The following RUFY3 variants were observed in gnomAD, a reference collection of about 807,000 sequenced individuals.
RUFY3 encodes RUN and FYVE domain containing 3, also known as protein RUFY3.
In RUFY3, 34 loss-of-function variants were observed where a neutral mutation model predicts 84.0. The ratio of observed to expected loss-of-function variants is 0.40; its 90% CI spans 0.31 to 0.54. The LOEUF is 0.54. RUFY3 is among the 20% of genes least tolerant of loss of function. The pLI is 0.39. For missense variants in RUFY3, 507 were observed against 736.8 expected (o/e 0.69, Z 3.61); for synonymous variants, 242 against 252.9 (o/e 0.96, Z 0.41).
At chr4:70,757,167 C>T (rs945970353) in intron 1 of RUFY3, among the ~76,000 whole-genome samples, 47 of 151,886 alleles carry the variant, frequency 3.1e-4, no homozygotes, top group African/African-American at 1.1e-3. Context: ...ATCCCAGGTA[C>T]TCAGGAGGCT....
At chr4:70,778,208 C>A (rs1197788668) in intron 7 of RUFY3, among the ~76,000 whole-genome samples, 161 bp from the exon 8 acceptor site, 2 of 151,962 alleles carry the variant, frequency 1.3e-5, no homozygotes, top group Admixed American at 1.3e-4. Context: ...GCACTCCAGT[C>A]TCAGCGACAC....
At chr4:70,790,351 A>G (rs1471156433) in intron 12 of RUFY3, among the ~76,000 whole-genome samples, 2 of 152,198 alleles carry the variant, frequency 1.3e-5, no homozygotes, top group Non-Finnish European at 2.9e-5. Flanking sequence ...AGGTCATTTG[A>G]TGTTTCTACC....
chr4:70,728,066 C>T (rs1224692929), intron 1 of RUFY3, among the ~76,000 whole-genome samples: 1 of 152,068 alleles, frequency 6.6e-6, no homozygotes, highest in African/African-American at 2.4e-5. Context: ...TACAGATACC[C>T]CTTGAATTAA....
At chr4:70,761,612 C>T (rs1367027480) in intron 1 of RUFY3, among the ~76,000 whole-genome samples, 1 of 152,024 alleles carries the variant, frequency 6.6e-6, no homozygotes, top group African/African-American at 2.4e-5. Flanking sequence ...AAGAGGTAGC[C>T]CACAGTGCTG....
Position 70,722,086 on chromosome 4 carries a change from T to G in RUFY3, c.-488T>G, listed in dbSNP as rs1742368044. 8.1e-7 allele frequency: 1 copy of G among 1,232,142 alleles called. No homozygotes were observed. Among genetic ancestry groups the G allele is most frequent in the Non-Finnish European group, 1.0e-6 (1 of 987,922 alleles). 76.3% of individuals were successfully genotyped at this position (1,232,142 alleles called of 1,614,324 possible). A position where few individuals can be genotyped will look rare whatever the true frequency, so the allele number is the denominator to read the frequency against. On this transcript the variant is annotated 5_prime_UTR_variant, in exon 1 of 18. Coordinates refer to ENST00000381006, the MANE Select transcript of RUFY3 (RefSeq NM_001037442.4). ...AGTGATTTCTGCAGCTCAGGATTTT[T>G]TTTTTAAGCTACATTGAAAATATAG... is the stretch of plus-strand genomic sequence containing the variant.
intron 15 of RUFY3, among the ~76,000 whole-genome samples, 158 bp downstream of exon 15, chr4:70,800,363 G>A (rs554669928): frequency 5.9e-5 from 9 of 152,170 alleles, no homozygotes; most frequent in Admixed American, 2.6e-4. Flanking sequence ...ATAATAAAAC[G>A]TATAACATGT....
At chr4:70,770,639 C>T (rs1413394840) in intron 5 of RUFY3, among the ~76,000 whole-genome samples, 1 of 152,154 alleles carries the variant, frequency 6.6e-6, no homozygotes, top group African/African-American at 2.4e-5. Context: ...GTTTGATCTT[C>T]TATACAGACC....
In RUFY3 at chr4:70,767,356, C is replaced by T. The variant is rs190487942; in HGVS notation, c.573-1182C>T. On this transcript the variant is annotated intron_variant, in intron 4 of 17. Transcript: ENST00000381006. ...AACTTCCGACCTCAGGTGATCCACC[C>T]GCCTTGACCTCCCAAAGTGCTGGGA... 7.6e-3 allele frequency among the ~76,000 whole-genome samples: 1,131 copies of T among 149,560 alleles called. 15 individuals are homozygous for T. Among genetic ancestry groups the T allele is most frequent in the African/African-American group, 0.027 (1,073 of 40,448 alleles).
At chr4:70,763,956 A>G (rs1262693984) in intron 3 of RUFY3, among the ~76,000 whole-genome samples, 4 of 152,220 alleles carry the variant, frequency 2.6e-5, no homozygotes, top group African/African-American at 9.6e-5. Context: ...AGGGGGTGGC[A>G]TGCTGTACTT....
At chr4:70,732,953 G>A (rs1240566909) in intron 1 of RUFY3, among the ~76,000 whole-genome samples, 1 of 151,780 alleles carries the variant, frequency 6.6e-6, no homozygotes, top group Non-Finnish European at 1.5e-5. Context: ...TGTAATCCCA[G>A]CTATGTGGGA....
chr4:70,805,139 C>T (rs1349359867), intron 17 of RUFY3, among the ~76,000 whole-genome samples: 3 of 152,188 alleles, frequency 2.0e-5, no homozygotes, highest in Non-Finnish European at 4.4e-5. Context: ...ATGCTAACTA[C>T]ATTTCCCAAA....
intron 1 of RUFY3, among the ~76,000 whole-genome samples, chr4:70,724,785 C>T (rs1425995986): frequency 6.6e-6 from 1 of 152,212 alleles, no homozygotes; most frequent in African/African-American, 2.4e-5. Context: ...GTATTACTGC[C>T]TTGCTCCATT....
intron 1 of RUFY3, among the ~76,000 whole-genome samples, chr4:70,744,261 T>C (rs1474615209): frequency 6.6e-6 from 1 of 151,888 alleles, no homozygotes; most frequent in African/African-American, 2.4e-5. Context: ...TGCAGTGGCA[T>C]GATCATAGCT....
intron 5 of RUFY3, among the ~76,000 whole-genome samples, chr4:70,770,249 G>A (rs1578153979): frequency 6.6e-6 from 1 of 152,234 alleles, no homozygotes; most frequent in African/African-American, 2.4e-5. Flanking sequence ...CCTCTAACAA[G>A]AGAGTCAGTC....
In RUFY3 at chr4:70,722,001, A is replaced by T; in HGVS notation, c.-573A>T. On this transcript the variant is annotated 5_prime_UTR_variant, in exon 1 of 18. Transcript: ENST00000381006. ...AGCCATTTTGGTCAACACCCTGCTT[A>T]CTGCGCACGGCCAATCCTATGAGAA... 8.1e-7 allele frequency: 1 copy of T among 1,232,236 alleles called. No individual in the cohort carries two copies. The highest frequency in any genetic ancestry group is 1.0e-6 in the Non-Finnish European group (1 of 988,000). The allele number at this position is 1,232,236 out of a possible 1,614,324, so 76.3% of individuals were successfully genotyped here. A position where few individuals can be genotyped will look rare whatever the true frequency, so the allele number is the denominator to read the frequency against.
chr4:70,790,757 G>A (rs1171400253), intron 12 of RUFY3, among the ~76,000 whole-genome samples: 3 of 152,128 alleles, frequency 2.0e-5, no homozygotes, highest in South Asian at 4.1e-4. Context: ...CTGTCGCAGT[G>A]CCTTGAATAT....
intron 1 of RUFY3, among the ~76,000 whole-genome samples, chr4:70,705,959 C>G (rs1468080409): frequency 2.0e-5 from 3 of 152,142 alleles, no homozygotes; most frequent in Admixed American, 6.6e-5. Context: ...GGCTACCTCC[C>G]AGGGTTATAT....
intron 1 of RUFY3, among the ~76,000 whole-genome samples, chr4:70,715,396 C>T (rs1741443192): frequency 6.6e-6 from 1 of 151,546 alleles, no homozygotes; most frequent in African/African-American, 2.4e-5. Flanking sequence ...CCAGGCTGGC[C>T]AACATGGCGA....
chr4:70,771,726 C>T (rs902610154), intron 5 of RUFY3, among the ~76,000 whole-genome samples: 6 of 151,950 alleles, frequency 3.9e-5, no homozygotes, highest in Admixed American at 6.6e-5. Context: ...GACAGAGTTT[C>T]GCTATGTTGC....
Sources: gnomAD v4.1 joint callset for allele counts (sites outside exome capture counted in the v4.1 genomes callset) on GRCh38, gnomAD v4.1.1 for gene constraint, MANE v1.5 for transcripts, NCBI Gene and HGNC (gene_info 2026-07-23, HGNC 2026-07-21) for gene names.